The following DCAF1 variants were observed in gnomAD, a reference collection of about 807,000 sequenced individuals.
The protein encoded by DCAF1 is DDB1 and CUL4 associated factor 1, also known as DDB1- and CUL4-associated factor 1.
A neutral mutation model predicts 128.0 loss-of-function variants in DCAF1; 15 were observed. The ratio of observed to expected loss-of-function variants is 0.12; its 90% CI spans 0.08 to 0.18. The LOEUF (loss-of-function observed/expected upper bound fraction) is 0.18. DCAF1 is among the 10% of genes least tolerant of loss of function. The pLI is 1.00. For synonymous variants in DCAF1, 610 were observed against 603.0 expected (o/e 1.01, Z -0.17); for missense variants, 988 against 1,649.5 (o/e 0.60, Z 6.95).
intron 9 of DCAF1, among the ~76,000 whole-genome samples, chr3:51,436,983 A>G (rs1156745571): frequency 6.6e-6 from 1 of 152,128 alleles, no homozygotes; most frequent in Admixed American, 6.5e-5. Flanking sequence ...AAAGAGAGAG[A>G]CAGGTGCAGC....
intron 3 of DCAF1, among the ~76,000 whole-genome samples, chr3:51,481,168 A>G (rs1319138680): frequency 6.6e-6 from 1 of 152,200 alleles, no homozygotes; most frequent in Non-Finnish European, 1.5e-5. Context: ...ATATTATGAA[A>G]GTAAGCCACA....
Position 51,499,931 on chromosome 3 carries a change from C to CA in DCAF1, c.-115dup, listed in dbSNP as rs1328126502. On this transcript the variant is annotated 5_prime_UTR_variant, in exon 1 of 25. Coordinates refer to ENST00000684031, the MANE Select transcript of DCAF1 (RefSeq NM_001387579.1). ...ACCCCGCCAGTGGCCACAGTTCACA[C>CA]ACACACAGCCTCAGGTCCCGCACTC... 2.7e-5 allele frequency: 4 copies of CA among 148,478 alleles called. No individual in the cohort carries two copies. Among genetic ancestry groups the CA allele is most frequent in the Non-Finnish European group, 6.0e-5 (4 of 67,038 alleles). The allele number at this position is 148,478 out of a possible 1,614,324, so 9.2% of individuals were successfully genotyped here. A position where few individuals can be genotyped will look rare whatever the true frequency, so the allele number is the denominator to read the frequency against.
chr3:51,503,134 T>C (rs1490078722), upstream of DCAF1, among the ~76,000 whole-genome samples: 4 of 152,192 alleles, frequency 2.6e-5, no homozygotes, highest in Non-Finnish European at 5.9e-5. Context: ...CTCACCTTGC[T>C]CTGCCTGTTC....
intron 22 of DCAF1, 22 bp from the exon 23 acceptor site, chr3:51,412,502 A>G (rs782643123): frequency 4.3e-6 from 7 of 1,613,414 alleles, no homozygotes; most frequent in African/African-American, 2.7e-5. Flanking sequence ...CATCCAGTCC[A>G]TAAGGAGCAG....
At chr3:51,489,771 G>C (rs897114430) in intron 2 of DCAF1, among the ~76,000 whole-genome samples, 6 of 149,832 alleles carry the variant, frequency 4.0e-5, no homozygotes, top group Non-Finnish European at 7.4e-5. Context: ...TGGGTGACAG[G>C]TAAGACTCTG....
rs549730851 is a variant in DCAF1 at position 51,487,925 on chromosome 3, C to T, written c.-8-4089G>A. Among the ~76,000 whole-genome samples the T allele has an allele frequency of 4.6e-5, 7 of 152,114 alleles. No individual in the cohort carries two copies. The South Asian group carries it at 6.2e-4, about 14-fold the overall frequency. On this transcript the variant is annotated intron_variant, in intron 2 of 24. Transcript: ENST00000684031. Reference sequence around the variant, plus strand: ...TGTCGCCCAGACTGGAGTGCAGAGGCGTGATCTTGACTCACTGCAACCTCC... The same window carrying T: ...TGTCGCCCAGACTGGAGTGCAGAGGTGTGATCTTGACTCACTGCAACCTCC...
intron 3 of DCAF1, among the ~76,000 whole-genome samples, chr3:51,477,676 A>G (rs1411151020): frequency 6.6e-6 from 1 of 152,128 alleles, no homozygotes; most frequent in Non-Finnish European, 1.5e-5. Flanking sequence ...CTGCCTCGCT[A>G]TGCAGTTTTT....
In DCAF1 at chr3:51,403,450, G is replaced by A. The variant is rs1348881861; in HGVS notation, c.4213-55C>T. On this transcript the variant is annotated intron_variant, in intron 23 of 24. Coordinates refer to ENST00000684031, the MANE Select transcript of DCAF1 (RefSeq NM_001387579.1). ...CAAACACAGAGGCCTGACCCATGGGGGCCACATGGCGGGTCGACCAAAGAG... is the reference window on the plus strand; with the variant it reads ...CAAACACAGAGGCCTGACCCATGGGAGCCACATGGCGGGTCGACCAAAGAG... The A allele has an allele frequency of 6.5e-6, 10 of 1,537,480 alleles. No individual in the cohort carries two copies. The East Asian group carries it at 9.8e-5, about 15-fold the overall frequency.
intron 2 of DCAF1, among the ~76,000 whole-genome samples, chr3:51,485,931 C>T (rs1284752135): frequency 2.6e-4 from 38 of 146,864 alleles, no homozygotes; most frequent in African/African-American, 8.8e-4. Flanking sequence ...TTTGCTTTGT[C>T]GCCAGGCTGG....
At chr3:51,469,221 ATTTTTTTTTTTT>A (rs781851604) in intron 4 of DCAF1, among the ~76,000 whole-genome samples, 1 of 116,722 alleles carries the variant, frequency 8.6e-6, no homozygotes, top group Non-Finnish European at 1.7e-5. Flanking sequence ...CCACACACAA[ATTTTTTTTTTTT>A]TTTTTTTTTT....
chr3:51,484,003 G>A (rs11923089), intron 2 of DCAF1, among the ~76,000 whole-genome samples, 167 bp from the exon 3 acceptor site: 3,690 of 152,164 alleles, frequency 0.024, 72 homozygotes, highest in Middle Eastern at 0.065. Flanking sequence ...GAAAACTCGG[G>A]ATACTCATCA....
intron 23 of DCAF1, among the ~76,000 whole-genome samples, 199 bp downstream of exon 23, chr3:51,412,180 C>T (rs1335553327): frequency 3.4e-5 from 5 of 147,900 alleles, no homozygotes; most frequent in Non-Finnish European, 5.9e-5. Context: ...ATGGAATTCA[C>T]GGGATCATCA....
At chr3:51,432,521 C>T (rs1700481930) in intron 10 of DCAF1, among the ~76,000 whole-genome samples, 1 of 151,650 alleles carries the variant, frequency 6.6e-6, no homozygotes, top group African/African-American at 2.4e-5. Context: ...TGCAATGCCA[C>T]AGTCTCGGCT....
intron 18 of DCAF1, among the ~76,000 whole-genome samples, chr3:51,415,810 G>A (rs1698829451): frequency 6.6e-6 from 1 of 151,810 alleles, no homozygotes; most frequent in East Asian, 1.9e-4. Context: ...GCCCAGGCTG[G>A]TCTCGAACTC....
chr3:51,422,899 TA>T (rs1188830240), intron 13 of DCAF1, among the ~76,000 whole-genome samples: 6 of 147,014 alleles, frequency 4.1e-5, no homozygotes, highest in South Asian at 2.2e-4. Context: ...TCTTTTTCTA[TA>T]AAAAAAAAAT....
intron 2 of DCAF1, among the ~76,000 whole-genome samples, chr3:51,485,916 A>G (rs2108455235): frequency 7.1e-6 from 1 of 141,408 alleles, no homozygotes; most frequent in East Asian, 2.1e-4. Flanking sequence ...TTTTTGAGGC[A>G]GAGTTTTGCT....
At chr3:51,425,613 AGTGCAGTGG>A (rs1699843070) in intron 13 of DCAF1, among the ~76,000 whole-genome samples, 1 of 140,264 alleles carries the variant, frequency 7.1e-6, no homozygotes, top group Non-Finnish European at 1.5e-5. Flanking sequence ...CCCCGGCTAA[AGTGCAGTGG>A]CACCATCTTG....
chr3:51,477,550 C>G (rs1553651074), intron 3 of DCAF1, among the ~76,000 whole-genome samples: 1 of 151,696 alleles, frequency 6.6e-6, no homozygotes, highest in Non-Finnish European at 1.5e-5. Flanking sequence ...TCACTTGAGT[C>G]CAGGAGGTTG....
At chr3:51,491,841 T>C (rs1707685190) in intron 2 of DCAF1, among the ~76,000 whole-genome samples, 1 of 151,554 alleles carries the variant, frequency 6.6e-6, no homozygotes, top group Admixed American at 6.6e-5. Context: ...CAAGACTCCA[T>C]CTCAAAAAAC....
Sources: gnomAD v4.1 joint callset for allele counts (sites outside exome capture counted in the v4.1 genomes callset) on GRCh38, gnomAD v4.1.1 for gene constraint, MANE v1.5 for transcripts, NCBI Gene and HGNC (gene_info 2026-07-23, HGNC 2026-07-21) for gene names.